UTP6: variants seen among roughly 807,000 people sequenced by gnomAD.
UTP6 encodes UTP6 small subunit processome component, also known as U3 small nucleolar RNA-associated protein 6 homolog.
Under a neutral mutation model 96.5 loss-of-function variants are expected in UTP6, and 60 were observed. The observed-to-expected ratio is 0.62, with a 90% confidence interval of 0.51 to 0.77. The LOEUF (loss-of-function observed/expected upper bound fraction) is 0.77, where lower values mean the gene tolerates loss of function less well. Among genes scored for constraint, UTP6 ranks in the 30% least tolerant of loss-of-function variants. The pLI, the probability that UTP6 is intolerant of heterozygous loss-of-function variation, is 0.00. For missense variants in UTP6, 637 were observed against 706.5 expected (o/e 0.90, Z 1.12); for synonymous variants, 215 against 240.1 (o/e 0.90, Z 0.96).
intron 16 of UTP6, among the ~76,000 whole-genome samples, chr17:31,870,624 C>T: frequency 6.6e-6 from 1 of 151,086 alleles, no homozygotes; most frequent in Non-Finnish European, 1.5e-5. Context: ...CGGGTTCATG[C>T]CATTCTCCTG....
chr17:31,871,182 C>T (rs1011829309), intron 16 of UTP6, among the ~76,000 whole-genome samples: 13 of 151,584 alleles, frequency 8.6e-5, no homozygotes, highest in African/African-American at 2.7e-4. Flanking sequence ...TTAGTAGAGA[C>T]GGGGTTTCAT....
chr17:31,867,464 C>T (rs1909891609), intron 17 of UTP6, among the ~76,000 whole-genome samples: 1 of 150,606 alleles, frequency 6.6e-6, no homozygotes, highest in Non-Finnish European at 1.5e-5. Flanking sequence ...GCCGAGATCA[C>T]ACCACTGCAC....
At chr17:31,895,317 T>G (rs1479581320) in intron 2 of UTP6, among the ~76,000 whole-genome samples, 1 of 152,180 alleles carries the variant, frequency 6.6e-6, no homozygotes, top group African/African-American at 2.4e-5. Context: ...TGCACTACAT[T>G]TGCTTCAAAT....
At chr17:31,890,124 G>A (rs1395491786) in intron 6 of UTP6, among the ~76,000 whole-genome samples, 2 of 151,952 alleles carry the variant, frequency 1.3e-5, no homozygotes, top group Non-Finnish European at 2.9e-5. Flanking sequence ...AGCCCCTCAA[G>A]TAGCTGGGAC....
At chr17:31,898,928 A>C (rs2142329289) in intron 2 of UTP6, among the ~76,000 whole-genome samples, 1 of 152,002 alleles carries the variant, frequency 6.6e-6, no homozygotes, top group Non-Finnish European at 1.5e-5. Flanking sequence ...GTTACTGAGG[A>C]GGATGAGACT....
intron 6 of UTP6, among the ~76,000 whole-genome samples, chr17:31,889,621 C>T (rs534938834): frequency 1.8e-4 from 27 of 151,752 alleles, no homozygotes; most frequent in East Asian, 3.9e-4. Flanking sequence ...TTCAGTCTCC[C>T]GAGTAGCTGG....
intron 1 of UTP6, among the ~76,000 whole-genome samples, chr17:31,900,991 C>A (rs762640007): frequency 6.6e-6 from 1 of 152,140 alleles, no homozygotes; most frequent in African/African-American, 2.4e-5. Flanking sequence ...TCACAGAAAC[C>A]ATTAAAAACT....
chr17:31,879,925 G>A (rs1419668473), intron 11 of UTP6, among the ~76,000 whole-genome samples: 2 of 151,964 alleles, frequency 1.3e-5, no homozygotes, highest in Non-Finnish European at 2.9e-5. Context: ...GGCCAACATG[G>A]TGAAACTCCG....
Position 31,894,977 on chromosome 17 carries a change from C to A in UTP6, c.212G>T (p.Arg71Ile). Residue 71 changes from arginine (R) to isoleucine (I), a missense_variant, in exon 3 of 19, where the codon AGA becomes ATA. By Grantham distance (97) the Arg-to-Ile change is moderately conservative. Coordinates refer to ENST00000261708, the MANE Select transcript of UTP6 (RefSeq NM_018428.3). ...AGAAAATCTTCTACTTACTGTTCTT[C>A]TTCTCTGGATCAGCTCCAAAAGATT... Reference protein sequence around the residue: ...EINLLELIQRRRTRIGYSFKK... With the variant: ...EINLLELIQRIRTRIGYSFKK... The A allele has an allele frequency of 6.4e-7, 1 of 1,562,232 alleles. No individual in the cohort carries two copies. The highest frequency in any genetic ancestry group is 1.2e-5 in the South Asian group (1 of 85,584).
At chr17:31,867,278 G>C (rs1048548221) in intron 17 of UTP6, among the ~76,000 whole-genome samples, 1 of 151,744 alleles carries the variant, frequency 6.6e-6, no homozygotes, top group African/African-American at 2.4e-5. Flanking sequence ...GAGGCTGAGG[G>C]GGGCGGATCA....
At chr17:31,891,077 T>C (rs1414398595) in intron 6 of UTP6, among the ~76,000 whole-genome samples, 1 of 152,206 alleles carries the variant, frequency 6.6e-6, no homozygotes, top group Non-Finnish European at 1.5e-5. Context: ...TGAGTTAACA[T>C]TCTAGCTATT....
At position 31,894,743 on chromosome 17, in the gene UTP6, G is replaced by C. The variant is rs1385107670; in HGVS notation, c.220-6C>G. 6.2e-7 allele frequency: 1 copy of C among 1,603,224 alleles called. No homozygotes were observed. The highest frequency in any genetic ancestry group is 8.5e-7 in the Non-Finnish European group (1 of 1,173,192). On this transcript the variant is annotated splice_polypyrimidine_tract_variant and splice_region_variant and intron_variant, in intron 3 of 18. Coordinates refer to ENST00000261708, the MANE Select transcript of UTP6 (RefSeq NM_018428.3). The stretch of plus-strand genomic sequence containing the variant: ...TTAAATGAATATCCAATGCGCTAAA[G>C]GGGGACATAAAAAAACAGAGCCTCA...
chr17:31,883,602 AC>A (rs1213070487), intron 10 of UTP6, among the ~76,000 whole-genome samples: 4 of 151,370 alleles, frequency 2.6e-5, no homozygotes, highest in African/African-American at 9.7e-5. Context: ...GGCTTAAGCC[AC>A]CGTGCCTGGC....
chr17:31,894,009 C>T (rs1170503556), intron 4 of UTP6, among the ~76,000 whole-genome samples: 1 of 151,910 alleles, frequency 6.6e-6, no homozygotes, highest in East Asian at 1.9e-4. Flanking sequence ...CCAAACACTC[C>T]CGTAATCCCA....
At chr17:31,876,022 GTTTT>G (rs544852157) in intron 13 of UTP6, among the ~76,000 whole-genome samples, 2 of 151,590 alleles carry the variant, frequency 1.3e-5, no homozygotes, top group African/African-American at 4.8e-5. Flanking sequence ...TGTAAGTTAG[GTTTT>G]TTTGTTTTTC....
rs558334618 is a variant in UTP6 at position 31,880,022 on chromosome 17, C to T, written c.967+551G>A. Reference sequence around the variant, plus strand: ...TCGGGAGGATGAGGCAGGACAATCGCTTGAACCTGGGAGGTGGAGGCTGCA... The same window carrying T: ...TCGGGAGGATGAGGCAGGACAATCGTTTGAACCTGGGAGGTGGAGGCTGCA... On this transcript the variant is annotated intron_variant, in intron 11 of 18. Transcript: ENST00000261708. 1.1e-4 allele frequency among the ~76,000 whole-genome samples: 16 copies of T among 152,100 alleles called. No homozygotes were observed. In the South Asian group the frequency reaches 3.3e-3, roughly 32 times the overall value.
chr17:31,896,320 C>T (rs1293333571), intron 2 of UTP6, among the ~76,000 whole-genome samples: 2 of 151,872 alleles, frequency 1.3e-5, no homozygotes, highest in Non-Finnish European at 2.9e-5. Flanking sequence ...TCAAGTAATC[C>T]ACCCGCCTCA....
intron 14 of UTP6, 110 bp from the exon 15 acceptor site, chr17:31,873,863 GAC>G (rs1910336620): frequency 3.3e-6 from 4 of 1,228,792 alleles, no homozygotes; most frequent in Middle Eastern, 2.2e-4. Context: ...GCTATAAAAT[GAC>G]AGTTTAGTCC....
intron 1 of UTP6, 69 bp from the exon 2 acceptor site, chr17:31,899,799 A>G (rs1904866994): frequency 8.7e-7 from 1 of 1,148,436 alleles, no homozygotes; most frequent in South Asian, 1.5e-5. Context: ...TATTTTGAAT[A>G]TATTTAAAAC....
Sources: gnomAD v4.1 joint callset for allele counts (sites outside exome capture counted in the v4.1 genomes callset) on GRCh38, gnomAD v4.1.1 for gene constraint, MANE v1.5 for transcripts, NCBI Gene and HGNC (gene_info 2026-07-23, HGNC 2026-07-21) for gene names.